The following STS variants were observed in gnomAD, a reference collection of about 807,000 sequenced individuals.
STS encodes steroid sulfatase, also known as steryl-sulfatase.
Under a neutral mutation model 26.8 loss-of-function variants are expected in STS, and 7 were observed. The ratio of observed to expected loss-of-function variants is 0.26; its 90% confidence interval spans 0.15 to 0.49. The LOEUF (loss-of-function observed/expected upper bound fraction) is 0.49, where lower values mean the gene tolerates loss of function less well. STS is among the 20% of genes least tolerant of loss of function. The pLI is 0.98. For missense variants in STS, 434 were observed against 465.6 expected, an observed-to-expected ratio of 0.93 and a Z score of 0.63; for synonymous variants, 199 against 189.4, an observed-to-expected ratio of 1.05 and a Z score of -0.42.
intron 2 of STS, among the ~76,000 whole-genome samples, chrX:7,224,417 C>T (rs1359383253): frequency 9.0e-6 from 1 of 110,702 alleles, no homozygotes; most frequent in East Asian, 2.9e-4. Flanking sequence ...TTTATTTCCC[C>T]CCCAAATTCA....
intron 2 of STS, among the ~76,000 whole-genome samples, chrX:7,203,427 G>A (rs1393730668): frequency 8.9e-6 from 1 of 111,886 alleles, no homozygotes; most frequent in Non-Finnish European, 1.9e-5. Context: ...TTAAGCTGAA[G>A]TTCTCTAAAT....
intron 2 of STS, among the ~76,000 whole-genome samples, chrX:7,236,382 C>T (rs1053165816): frequency 1.8e-5 from 2 of 111,863 alleles, no homozygotes; most frequent in Non-Finnish European, 3.8e-5. Context: ...CCTAAAGCCA[C>T]GAGATTAGAA....
chrX:7,176,186 T>G (rs1480087867), intron 1 of STS, among the ~76,000 whole-genome samples: 1 of 111,877 alleles, frequency 8.9e-6, no homozygotes, highest in Non-Finnish European at 1.9e-5. Context: ...AGCTCTAAAG[T>G]CACTCTTCGG....
At chrX:7,204,794 C>G (rs1449956879) in intron 2 of STS, among the ~76,000 whole-genome samples, 1 of 104,129 alleles carries the variant, frequency 9.6e-6, no homozygotes, top group Admixed American at 1.1e-4. Context: ...TCCTAACTTC[C>G]TCTCTCCCTG....
At chrX:7,158,836 G>T (rs1381852995) in intron 1 of STS, among the ~76,000 whole-genome samples, 3 of 112,125 alleles carry the variant, frequency 2.7e-5, no homozygotes, top group African/African-American at 6.5e-5. Flanking sequence ...CTGGAATTTT[G>T]ACCACTAGCT....
At position 7,190,906 on chromosome X, in the gene STS, T is replaced by C. The variant is rs1484588162; in HGVS notation, c.-107T>C. ...AAGAGCCCGATGCCCTTGGTTTGAC[T>C]CTACTAAGAGCCCCTCAGTTGCTGA... On this transcript the variant is annotated 5_prime_UTR_variant, in exon 2 of 11. Transcript: ENST00000674429. 1 of 643,902 alleles carries C rather than the reference T, an allele frequency of 1.6e-6. No homozygotes were observed. Among genetic ancestry groups the C allele is most frequent in the African/African-American group, 2.4e-5 (1 of 41,035 alleles). The allele number at this position is 643,902 out of a possible 1,213,427, so 53.1% of individuals were successfully genotyped here. A position where few individuals can be genotyped will look rare whatever the true frequency, so the allele number is the denominator to read the frequency against.
rs141009305 is a variant in STS, at chrX:7,230,505, G to T, written c.-4-22691G>T. On this transcript the variant is annotated intron_variant, in intron 2 of 10. Transcript: ENST00000674429. ...TGCAATGCAATATTATGTGGGCATT[G>T]TATTGGTCCACTCTCACACTGCTAT... Among the ~76,000 whole-genome samples, 861 of 112,012 alleles carry T rather than the reference G, an allele frequency of 7.7e-3. 14 individuals carry two copies. Among genetic ancestry groups the T allele is most frequent in the African/African-American group, 0.027 (822 of 30,785 alleles).
Position 7,219,459 on chromosome X carries a change from G to A in STS, c.-5+28451G>A, listed in dbSNP as rs184138373. 4.8e-5 allele frequency: 53 copies of A among 1,102,796 alleles called. No individual in the cohort carries two copies. The African/African-American group carries it at 9.0e-4, about 19-fold the overall frequency. 90.9% of individuals were successfully genotyped at this position (1,102,796 alleles called of 1,213,427 possible). ...GCCTCACATTATCTGCCCAAGCACA[G>A]TGCTGTTGGCCAAGCCTCCAGCAGC... On this transcript the variant is annotated intron_variant, in intron 2 of 10. Transcript: ENST00000674429.
At chrX:7,228,928 C>T (rs1158700688) in intron 2 of STS, among the ~76,000 whole-genome samples, 1 of 112,278 alleles carries the variant, frequency 8.9e-6, no homozygotes, top group African/African-American at 3.2e-5. Flanking sequence ...GATGTTACAT[C>T]TATTTTGTTT....
intron 2 of STS, among the ~76,000 whole-genome samples, chrX:7,239,596 C>CA (rs1428983173): frequency 9.0e-6 from 1 of 111,673 alleles, no homozygotes; most frequent in Non-Finnish European, 1.9e-5. Context: ...GCTTTCTCCA[C>CA]AAAAAAAGTT....
chrX:7,279,311 A>ATATG lies in STS; in HGVS notation c.943+3225_943+3226insATGT, dbSNP rs1445736078. Among the ~76,000 whole-genome samples the ATATG allele has an allele frequency of 3.2e-3, 252 of 78,095 alleles. 3 individuals are homozygous for ATATG. Among genetic ancestry groups the ATATG allele is most frequent in the African/African-American group, 0.011 (206 of 18,152 alleles). 67.8% of individuals were successfully genotyped at this position (78,095 alleles called of 115,157 possible). On this transcript the variant is annotated intron_variant, in intron 7 of 10. Transcript: ENST00000674429. Reference sequence around the variant, plus strand: ...AAAAAAAATATATATATATATATATATGTGTGTGTGTGTGTGTGTGTGTGT... The same window carrying ATATG: ...AAAAAAAATATATATATATATATATATATGTGTGTGTGTGTGTGTGTGTGTGTGT...
intron 1 of STS, among the ~76,000 whole-genome samples, chrX:7,186,710 G>C (rs2147011376): frequency 8.9e-6 from 1 of 112,398 alleles, no homozygotes; most frequent in Non-Finnish European, 1.9e-5. Flanking sequence ...TAGCTTAGTA[G>C]CAAGGTGGGC....
At chrX:7,257,201 A>T (rs755047283) in intron 3 of STS, 41 bp from the exon 4 acceptor site, 2 of 1,207,188 alleles carry the variant, frequency 1.7e-6, no homozygotes, top group Non-Finnish European at 2.2e-6. Flanking sequence ...CATGAACAAT[A>T]AATGAAAATG....
chrX:7,320,519 A>T (rs1403256385), intron 8 of STS, among the ~76,000 whole-genome samples: 2 of 111,798 alleles, frequency 1.8e-5, no homozygotes, highest in African/African-American at 6.5e-5. Flanking sequence ...TAATGAAATC[A>T]GCCCTTTTTT....
intron 10 of STS, among the ~76,000 whole-genome samples, chrX:7,341,527 G>A (rs1364834135): frequency 8.9e-6 from 1 of 111,827 alleles, no homozygotes; most frequent in Admixed American, 9.5e-5. Context: ...CAATCCCAAA[G>A]CAAATGTACT....
chrX:7,283,079 T>C (rs1179849072), intron 7 of STS, among the ~76,000 whole-genome samples: 3 of 112,451 alleles, frequency 2.7e-5, no homozygotes, highest in Non-Finnish European at 3.7e-5. Flanking sequence ...ATACAGAGTC[T>C]AGCCTGGATC....
chrX:7,271,819 G>C (rs1222305050), intron 6 of STS, among the ~76,000 whole-genome samples: 6 of 105,853 alleles, frequency 5.7e-5, no homozygotes, highest in African/African-American at 2.1e-4. Flanking sequence ...TACCTAATTT[G>C]CCACCAAGTA....
At chrX:7,182,166 C>T (rs779421243) in intron 1 of STS, among the ~76,000 whole-genome samples, 28 of 111,893 alleles carry the variant, frequency 2.5e-4, no homozygotes, top group Non-Finnish European at 5.3e-4. Flanking sequence ...GCGATATTGG[C>T]TTTATCTATC....
chrX:7,224,093 G>A (rs1191989458), intron 2 of STS, among the ~76,000 whole-genome samples: 2 of 111,577 alleles, frequency 1.8e-5, no homozygotes. Flanking sequence ...AATGGGACAT[G>A]GAAGCTTGGA....
Sources: allele counts gnomAD v4.1 joint callset (sites outside exome capture counted in the v4.1 genomes callset), GRCh38; gene constraint gnomAD v4.1.1; transcripts MANE v1.5; gene names NCBI Gene and HGNC (gene_info 2026-07-23, HGNC 2026-07-21).